VRK2: variants seen among roughly 807,000 people sequenced by gnomAD.
The protein encoded by VRK2 is serine/threonine-protein kinase VRK2.
Under a neutral mutation model 57.6 loss-of-function variants are expected in VRK2, and 60 were observed. That is an observed-to-expected ratio of 1.04 (90% confidence interval 0.85 to 1.29). The LOEUF is 1.29. Among genes scored for constraint, VRK2 ranks in the 50% most tolerant of loss-of-function variants. The pLI, the probability that VRK2 is intolerant of heterozygous loss-of-function variation, is 0.00. For synonymous variants in VRK2, 231 were observed against 199.2 expected, an observed-to-expected ratio of 1.16 and a Z score of -1.35; for missense variants, 705 against 588.1, an observed-to-expected ratio of 1.20 and a Z score of -2.06.
At chr2:58,137,165 T>TCATATATCATATATATCATATGATA (rs1680400050) in intron 10 of VRK2, among the ~76,000 whole-genome samples, 2 of 4,900 alleles carry the variant, frequency 4.1e-4, no homozygotes, top group Non-Finnish European at 7.8e-4. Context: ...TTTATATATA[T>TCATATATCATATATATCATATGATA]CATATATCAT....
chr2:58,102,738 A>G (rs2104355735), intron 7 of VRK2, among the ~76,000 whole-genome samples: 1 of 151,710 alleles, frequency 6.6e-6, no homozygotes, highest in African/African-American at 2.4e-5. Flanking sequence ...ATTGAACATT[A>G]GATCAAAAGG....
At chr2:58,097,341 G>A (rs905379636) in intron 7 of VRK2, among the ~76,000 whole-genome samples, 2 of 151,178 alleles carry the variant, frequency 1.3e-5, no homozygotes, top group African/African-American at 4.9e-5. Context: ...CTGTTATTTG[G>A]TATACATTTG....
rs116301720 is a variant in VRK2, at chr2:58,057,035, G to A, written c.136+8068G>A. Among the ~76,000 whole-genome samples the A allele has an allele frequency of 4.0e-3, 612 of 152,238 alleles. 5 individuals are homozygous for A. Among genetic ancestry groups the A allele is most frequent in the African/African-American group, 0.014 (574 of 41,554 alleles). ...ACACAATGCTCACCTCATTATTTCA[G>A]ACGGTCACTATTTTGTATGCTGTCT... On this transcript the variant is annotated intron_variant, in intron 2 of 12. Transcript: ENST00000340157.
intron 1 of VRK2, among the ~76,000 whole-genome samples, chr2:58,017,409 C>G (rs1311456304): frequency 6.6e-6 from 1 of 152,176 alleles, no homozygotes; most frequent in Admixed American, 6.5e-5. Flanking sequence ...ATTCCACAGG[C>G]AAACTTCCTC....
intron 3 of VRK2, among the ~76,000 whole-genome samples, chr2:58,040,265 T>C (rs191873690): frequency 3.3e-5 from 5 of 152,274 alleles, no homozygotes; most frequent in Admixed American, 3.3e-4. Flanking sequence ...TCTGAGTGTA[T>C]TTGCCTGAAA....
At chr2:58,098,425 A>C (rs1033315552) in intron 7 of VRK2, among the ~76,000 whole-genome samples, 2 of 152,092 alleles carry the variant, frequency 1.3e-5, no homozygotes, top group Admixed American at 1.3e-4. Context: ...TGACTCATCT[A>C]GAGTAACTTC....
intron 7 of VRK2, among the ~76,000 whole-genome samples, chr2:58,120,202 T>C (rs1382596046): frequency 7.5e-6 from 1 of 133,324 alleles, no homozygotes; most frequent in Non-Finnish European, 1.6e-5. Context: ...TTTTTTTTTT[T>C]TTTTTTGAGA....
chr2:58,104,323 C>G (rs1674433621), intron 7 of VRK2, among the ~76,000 whole-genome samples: 1 of 151,592 alleles, frequency 6.6e-6, no homozygotes, highest in South Asian at 2.1e-4. Context: ...CTAAAAACTC[C>G]TGCAAAAAAC....
At chr2:58,099,101 T>C (rs912000316) in intron 7 of VRK2, among the ~76,000 whole-genome samples, 1 of 152,006 alleles carries the variant, frequency 6.6e-6, no homozygotes, top group African/African-American at 2.4e-5. Context: ...TTACTTATAA[T>C]GGAATTATCA....
Position 58,048,584 on chromosome 2 carries a change from T to C in VRK2, c.-5-243T>C, listed in dbSNP as rs1675228731. Reference sequence around the variant, plus strand: ...ACCCCGAAATGAATTTTGGATGAAATTTGGTTAGTTTGCTTCTGTTTTTTT... The same window carrying C: ...ACCCCGAAATGAATTTTGGATGAAACTTGGTTAGTTTGCTTCTGTTTTTTT... On this transcript the variant is annotated intron_variant, in intron 1 of 12. Transcript: ENST00000340157. The C allele has an allele frequency of 2.8e-6, 4 of 1,433,672 alleles. No homozygotes were observed. In the South Asian group the frequency reaches 4.9e-5, roughly 17 times the overall value. The allele number at this position is 1,433,672 out of a possible 1,614,324, so 88.8% of individuals were successfully genotyped here.
At chr2:58,123,007 T>C in intron 7 of VRK2, 94 bp from the exon 8 acceptor site, 1 of 1,442,158 alleles carries the variant, frequency 6.9e-7, no homozygotes, top group Non-Finnish European at 9.1e-7. Context: ...GATCTGAGGC[T>C]GTTCTTAACC....
chr2:57,974,911 AC>A (rs1415052455), intron 1 of VRK2, among the ~76,000 whole-genome samples: 2 of 151,908 alleles, frequency 1.3e-5, no homozygotes, highest in Non-Finnish European at 2.9e-5. Flanking sequence ...CTTAAAAATT[AC>A]ATAATAATAA....
Position 58,159,835 on chromosome 2 carries a change from G to A in VRK2, c.*142G>A, listed in dbSNP as rs750192800. 7 of 1,609,314 alleles carry A rather than the reference G, an allele frequency of 4.3e-6. No homozygotes were observed. The South Asian group carries it at 6.6e-5, about 15-fold the overall frequency. On this transcript the variant is annotated 3_prime_UTR_variant, in exon 13 of 13. Transcript: ENST00000340157. ...GAGAACATATTTTAACAAAGTTTGT[G>A]GACACTCTAAAAAATAAAATTGCTT...
chr2:57,967,628 C>A (rs532629325), intron 1 of VRK2, among the ~76,000 whole-genome samples: 20 of 151,762 alleles, frequency 1.3e-4, no homozygotes, highest in Non-Finnish European at 1.8e-4. Flanking sequence ...AACTGACCTA[C>A]GTTCTAGTGT....
At chr2:57,913,163 T>G (rs935960683) in intron 1 of VRK2, among the ~76,000 whole-genome samples, 6 of 152,298 alleles carry the variant, frequency 3.9e-5, no homozygotes, top group African/African-American at 1.4e-4. Context: ...TCTAAGATCA[T>G]GAGAGGCCAG....
At chr2:58,158,662 C>CAGTT (rs1331366626) in intron 12 of VRK2, among the ~76,000 whole-genome samples, 1 of 152,136 alleles carries the variant, frequency 6.6e-6, no homozygotes, top group Non-Finnish European at 1.5e-5. Flanking sequence ...GACTTTCAGC[C>CAGTT]AGTTAAGTGG....
intron 3 of VRK2, chr2:58,041,121 T>C: frequency 1.0e-6 from 1 of 964,660 alleles, no homozygotes; most frequent in Non-Finnish European, 1.2e-6. Context: ...GTTAACCTTT[T>C]ATGGTGCTCG....
chr2:57,979,000 T>C (rs1055489838), intron 1 of VRK2, among the ~76,000 whole-genome samples: 1 of 151,072 alleles, frequency 6.6e-6, no homozygotes, highest in African/African-American at 2.5e-5. Flanking sequence ...CCTGACTTTT[T>C]CTTTTCATAG....
intron 2 of VRK2, among the ~76,000 whole-genome samples, chr2:58,058,070 G>A (rs974955958): frequency 6.6e-6 from 1 of 152,084 alleles, no homozygotes; most frequent in African/African-American, 2.4e-5. Flanking sequence ...GTATTATTGA[G>A]CCCAGCATGC....
Sources: gnomAD v4.1 joint callset for allele counts (sites outside exome capture counted in the v4.1 genomes callset) on GRCh38, gnomAD v4.1.1 for gene constraint, MANE v1.5 for transcripts, NCBI Gene and HGNC (gene_info 2026-07-23, HGNC 2026-07-21) for gene names.